ART3: variants seen among roughly 807,000 people sequenced by gnomAD.
ART3 encodes the protein ecto-ADP-ribosyltransferase 3.
A neutral mutation model predicts 48.5 loss-of-function variants in ART3; 49 were observed. That is an observed-to-expected ratio of 1.01 (90% CI 0.80 to 1.28). The LOEUF (loss-of-function observed/expected upper bound fraction) is 1.28. ART3 is among the 50% of genes most tolerant of loss of function. ART3 has a pLI of 0.00. For synonymous variants in ART3, 145 were observed against 157.2 expected (o/e 0.92, Z 0.58); for missense variants, 438 against 454.3 (o/e 0.96, Z 0.33).
chr4:76,078,949 C>T (rs138962137), intron 2 of ART3, among the ~76,000 whole-genome samples: 2,922 of 152,138 alleles, frequency 0.019, 31 homozygotes, highest in Non-Finnish European at 0.028. Context: ...GGCGTGGTGG[C>T]GGGCGTCTGT....
intron 1 of ART3, among the ~76,000 whole-genome samples, chr4:76,050,404 C>T (rs940565946): frequency 1.3e-5 from 2 of 152,116 alleles, no homozygotes; most frequent in Non-Finnish European, 2.9e-5. Context: ...TCCAGGGCCC[C>T]ACCAGAATAG....
At chr4:76,058,936 G>T (rs148680840) in intron 1 of ART3, among the ~76,000 whole-genome samples, 1 of 152,146 alleles carries the variant, frequency 6.6e-6, no homozygotes, top group Non-Finnish European at 1.5e-5. Flanking sequence ...GGAAAGTGAC[G>T]TAGAGAAAAT....
At chr4:76,099,028 A>G (rs1198584198) in intron 5 of ART3, 41 bp downstream of exon 5, 2 of 1,568,684 alleles carry the variant, frequency 1.3e-6, no homozygotes, top group South Asian at 1.1e-5. Flanking sequence ...TTGGTTGGGC[A>G]TGGTGGCTCA....
At chr4:76,040,223 G>A (rs1324170070) in intron 1 of ART3, among the ~76,000 whole-genome samples, 1 of 152,122 alleles carries the variant, frequency 6.6e-6, no homozygotes, top group South Asian at 2.1e-4. Flanking sequence ...TACTTGCAAG[G>A]TTGAGGCAGG....
At chr4:76,085,909 T>A (rs1723442146) in intron 3 of ART3, among the ~76,000 whole-genome samples, 1 of 152,062 alleles carries the variant, frequency 6.6e-6, no homozygotes, top group African/African-American at 2.4e-5. Flanking sequence ...CCATCTCTAC[T>A]AAAAATACAA....
chr4:76,025,443 G>A (rs1175634874), intron 1 of ART3, among the ~76,000 whole-genome samples: 7 of 152,156 alleles, frequency 4.6e-5, no homozygotes, highest in African/African-American at 1.4e-4. Flanking sequence ...CTAAAAATCT[G>A]TTATTAGGGA....
intron 1 of ART3, among the ~76,000 whole-genome samples, chr4:76,068,947 G>T (rs67194908): frequency 0.21 from 31,314 of 152,080 alleles, 5,498 homozygotes; most frequent in African/African-American, 0.48. Context: ...CAACCACTGT[G>T]CATGGCTTAA....
At chr4:76,051,057 G>A (rs548499340) in intron 1 of ART3, among the ~76,000 whole-genome samples, 1 of 152,386 alleles carries the variant, frequency 6.6e-6, no homozygotes, top group South Asian at 2.1e-4. Context: ...CTCCCTGCAA[G>A]CTGAGGGAGC....
intron 4 of ART3, 119 bp from the exon 5 acceptor site, chr4:76,098,834 TTA>T: frequency 1.3e-6 from 1 of 794,402 alleles, no homozygotes; most frequent in East Asian, 2.8e-5. Flanking sequence ...AACTGTATTT[TTA>T]TGTTTCTTAA....
intron 1 of ART3, among the ~76,000 whole-genome samples, chr4:76,025,582 C>T (rs1396173857): frequency 1.3e-5 from 2 of 152,168 alleles, no homozygotes; most frequent in Non-Finnish European, 2.9e-5. Flanking sequence ...TCTGACCCAG[C>T]CACTCTTCTA....
At chr4:76,110,793 AT>A (rs1253547179) in intron 11 of ART3, among the ~76,000 whole-genome samples, 5 of 152,076 alleles carry the variant, frequency 3.3e-5, no homozygotes, top group Admixed American at 3.3e-4. Flanking sequence ...GGATATTTGC[AT>A]CAATTTGAAG....
intron 1 of ART3, among the ~76,000 whole-genome samples, chr4:76,044,921 T>C (rs1215047257): frequency 6.6e-6 from 1 of 152,046 alleles, no homozygotes; most frequent in Admixed American, 6.6e-5. Context: ...CCAGCGGGGG[T>C]TCCCAGAGGT....
chr4:76,054,035 A>G (rs1736384980), intron 1 of ART3, among the ~76,000 whole-genome samples: 1 of 152,228 alleles, frequency 6.6e-6, no homozygotes, highest in Non-Finnish European at 1.5e-5. Flanking sequence ...AGATTAAGCA[A>G]TGAGCAACTT....
intron 1 of ART3, among the ~76,000 whole-genome samples, chr4:76,047,368 C>T (rs901332739): frequency 2.0e-5 from 3 of 151,828 alleles, no homozygotes; most frequent in African/African-American, 7.3e-5. Flanking sequence ...TTAATAATGC[C>T]TCTTGATTTT....
rs368048796 is a variant in ART3 at position 76,107,894 on chromosome 4, G to C, written c.1036+101G>C. ...CTCAATAAAGGGAACAAAGTTGCAA[G>C]GTTTTAAGGCATCTTAATAACAGAG... On this transcript the variant is annotated intron_variant, in intron 11 of 11. Coordinates refer to ENST00000355810, the MANE Select transcript of ART3 (RefSeq NM_001130016.3). The C allele has an allele frequency of 1.4e-5, 13 of 954,422 alleles. No homozygotes were observed. The African/African-American group carries it at 2.0e-4, about 15-fold the overall frequency. 59.1% of individuals were successfully genotyped at this position (954,422 alleles called of 1,614,324 possible).
intron 4 of ART3, 66 bp downstream of exon 4, chr4:76,097,742 G>C: frequency 7.8e-7 from 1 of 1,278,018 alleles, no homozygotes; most frequent in Non-Finnish European, 1.1e-6. Context: ...ATAGCTATGG[G>C]TCAGAGCTAC....
rs567366859 is a variant in ART3 at position 76,112,547 on chromosome 4, C to T, written c.*28C>T. ...TGATGCATTGTTTATCTTTCTTATT[C>T]TTTACTTGAAATAACTATAGGGATC... is the stretch of plus-strand genomic sequence containing the variant. On this transcript the variant is annotated 3_prime_UTR_variant, in exon 12 of 12. Transcript: ENST00000355810. 2.6e-4 allele frequency: 413 copies of T among 1,593,978 alleles called. 4 individuals carry two copies. In the South Asian group the frequency reaches 4.5e-3, roughly 17 times the overall value.
intron 1 of ART3, among the ~76,000 whole-genome samples, chr4:76,013,279 C>G (rs751858967): frequency 1.3e-5 from 2 of 152,166 alleles, no homozygotes; most frequent in Admixed American, 6.5e-5. Flanking sequence ...CCTGCAAGTA[C>G]TTTAGCAAGG....
intron 1 of ART3, among the ~76,000 whole-genome samples, chr4:76,065,552 A>AACACACACACAC (rs56794781): frequency 0.09 from 13,032 of 145,232 alleles, 681 homozygotes; most frequent in Middle Eastern, 0.15. Flanking sequence ...ATAACCCTCC[A>AACACACACACAC]ACACACACAC....
Sources: allele counts gnomAD v4.1 joint callset (sites outside exome capture counted in the v4.1 genomes callset), GRCh38; gene constraint gnomAD v4.1.1; transcripts MANE v1.5; gene names NCBI Gene and HGNC (gene_info 2026-07-23, HGNC 2026-07-21).